The following PCED1B variants were observed in gnomAD, a reference collection of about 807,000 sequenced individuals.
PCED1B encodes the protein PC-esterase domain-containing protein 1B.
For synonymous variants in PCED1B, 251 were observed against 246.1 expected, an observed-to-expected ratio of 1.02 and a Z score of -0.19; for missense variants, 573 against 573.9, an observed-to-expected ratio of 1.00 and a Z score of 0.02.
intron 2 of PCED1B, chr12:47,136,062 A>G (rs1940353074): frequency 6.8e-6 from 1 of 148,130 alleles, no homozygotes; most frequent in Non-Finnish European, 1.5e-5. Flanking sequence ...TACTTTCACC[A>G]GTACTCACCA....
intron 1 of PCED1B, among the ~76,000 whole-genome samples, chr12:47,100,169 G>A (rs771682703): frequency 2.3e-4 from 35 of 152,228 alleles, no homozygotes; most frequent in Non-Finnish European, 4.4e-4. Flanking sequence ...TGTGATTACC[G>A]TTTTATTTCC....
intron 3 of PCED1B, among the ~76,000 whole-genome samples, chr12:47,230,498 C>T (rs1466205791): frequency 2.6e-5 from 4 of 152,058 alleles, no homozygotes; most frequent in Non-Finnish European, 4.4e-5. Context: ...GGCTGGAGTG[C>T]AGTGGTGCGA....
At chr12:47,195,757 C>T (rs1243612762) in intron 2 of PCED1B, among the ~76,000 whole-genome samples, 4 of 152,140 alleles carry the variant, frequency 2.6e-5, no homozygotes, top group African/African-American at 9.7e-5. Flanking sequence ...TTGTCTGTTC[C>T]CACTTTTTTC....
chr12:47,080,813 CTCTCTCTCCT>C (rs1291121885), intron 1 of PCED1B, among the ~76,000 whole-genome samples: 1 of 152,104 alleles, frequency 6.6e-6, no homozygotes, highest in Non-Finnish European at 1.5e-5. Context: ...CTCTCTCTCC[CTCTCTCTCCT>C]TTCTCTTTCG....
chr12:47,121,464 T>C (rs1939676141), intron 2 of PCED1B, among the ~76,000 whole-genome samples: 1 of 152,264 alleles, frequency 6.6e-6, no homozygotes, highest in African/African-American at 2.4e-5. Flanking sequence ...TTTTAATTAA[T>C]TTAAAATGTT....
intron 3 of PCED1B, among the ~76,000 whole-genome samples, chr12:47,220,225 G>A (rs531980485): frequency 8.8e-4 from 134 of 152,208 alleles, no homozygotes; most frequent in African/African-American, 3.1e-3. Flanking sequence ...AAGCTGGAGT[G>A]CAGTGGCGCG....
chr12:47,197,616 T>A (rs966823970), intron 2 of PCED1B, among the ~76,000 whole-genome samples: 9 of 148,802 alleles, frequency 6.0e-5, no homozygotes, highest in South Asian at 2.1e-4. Flanking sequence ...CTCAAAAAAA[T>A]AAATAAATAA....
chr12:47,208,506 C>G (rs1478304410), intron 2 of PCED1B: 1 of 152,152 alleles, frequency 6.6e-6, no homozygotes, highest in South Asian at 2.1e-4. Flanking sequence ...CAGGTTCAAG[C>G]AGTCCTGCCT....
chr12:47,102,920 T>C (rs1048893673), intron 1 of PCED1B, among the ~76,000 whole-genome samples: 1 of 152,148 alleles, frequency 6.6e-6, no homozygotes, highest in Non-Finnish European at 1.5e-5. Context: ...GTTGCTATGG[T>C]AGAGAGAAAT....
chr12:47,127,741 T>G (rs1469921532), intron 2 of PCED1B, among the ~76,000 whole-genome samples: 2 of 152,198 alleles, frequency 1.3e-5, no homozygotes, highest in Non-Finnish European at 2.9e-5. Flanking sequence ...TAACATTTAT[T>G]TAGATATGTT....
In PCED1B at chr12:47,105,588, A is replaced by T. The variant is rs185623516; in HGVS notation, c.-526+1393A>T. Among the ~76,000 whole-genome samples, 60 of 152,266 alleles carry T rather than the reference A, an allele frequency of 3.9e-4. 1 individual carries two copies. In the East Asian group the frequency reaches 0.011, roughly 28 times the overall value. ...ACCTATGAAAAGGAAAATAAAATGC[A>T]TGAGGGTGGCTATATGATTATGTGC... On this transcript the variant is annotated intron_variant, in intron 2 of 3. Coordinates refer to ENST00000546455, the MANE Select transcript of PCED1B (RefSeq NM_138371.3).
rs182612560 is a variant in PCED1B at position 47,083,441 on chromosome 12, G to A, written c.-609+3716G>A. On this transcript the variant is annotated intron_variant, in intron 1 of 3. Transcript: ENST00000546455. ...TCCTGTGGAGTTTCATCACTCTGGCGGGCAGCACTCTTAATAGGATTTTTA... is the reference window on the plus strand; with the variant it reads ...TCCTGTGGAGTTTCATCACTCTGGCAGGCAGCACTCTTAATAGGATTTTTA... Among the ~76,000 whole-genome samples the A allele has an allele frequency of 2.3e-3, 353 of 152,036 alleles. 3 individuals carry two copies. The highest frequency in any genetic ancestry group is 8.2e-3 in the African/African-American group (340 of 41,428).
chr12:47,152,069 G>T (rs941502138), intron 2 of PCED1B, among the ~76,000 whole-genome samples: 1 of 152,126 alleles, frequency 6.6e-6, no homozygotes, highest in African/African-American at 2.4e-5. Flanking sequence ...GCAGATAGAT[G>T]ATAGAAATAG....
intron 1 of PCED1B, among the ~76,000 whole-genome samples, chr12:47,099,085 G>A (rs1366929548): frequency 6.6e-6 from 1 of 152,184 alleles, no homozygotes; most frequent in Non-Finnish European, 1.5e-5. Context: ...TGCGAACCAG[G>A]TGCTTCAGTT....
chr12:47,119,281 A>C (rs187426220), intron 2 of PCED1B, among the ~76,000 whole-genome samples: 1 of 152,242 alleles, frequency 6.6e-6, no homozygotes, highest in Non-Finnish European at 1.5e-5. Context: ...CTAAAACTAC[A>C]AAATTCCTAG....
chr12:47,109,753 C>G (rs1269820051), intron 2 of PCED1B, among the ~76,000 whole-genome samples: 1 of 152,090 alleles, frequency 6.6e-6, no homozygotes, highest in Non-Finnish European at 1.5e-5. Context: ...ACCTGAAAAA[C>G]TTTTTTAAAA....
chr12:47,148,465 A>G (rs1038623266), intron 2 of PCED1B, among the ~76,000 whole-genome samples: 1 of 152,170 alleles, frequency 6.6e-6, no homozygotes, highest in Non-Finnish European at 1.5e-5. Context: ...GGCTAGCTAT[A>G]GGGCAGGAAA....
intron 1 of PCED1B, among the ~76,000 whole-genome samples, chr12:47,088,588 T>TA (rs1938100459): frequency 6.6e-6 from 1 of 152,056 alleles, no homozygotes. Flanking sequence ...GCAAAATAAA[T>TA]AAAAAATAAT....
rs1189237586 is a variant in PCED1B at position 47,235,025 on chromosome 12, T to G, written c.-39T>G. On this transcript the variant is annotated 5_prime_UTR_variant, in exon 4 of 4. Coordinates refer to ENST00000546455, the MANE Select transcript of PCED1B (RefSeq NM_138371.3). ...GTCCTAGCCATCCGCAGAGCCATCC[T>G]GTGCAAAGGAAGGAGCTAGGCTGTG... The G allele has an allele frequency of 1.3e-6, 2 of 1,496,940 alleles. No individual in the cohort carries two copies. Among genetic ancestry groups the G allele is most frequent in the South Asian group, 1.4e-5 (1 of 72,428 alleles). 92.7% of individuals were successfully genotyped at this position (1,496,940 alleles called of 1,614,324 possible).
Sources: gnomAD v4.1 joint callset for allele counts (sites outside exome capture counted in the v4.1 genomes callset) on GRCh38, gnomAD v4.1.1 for gene constraint, MANE v1.5 for transcripts, NCBI Gene and HGNC (gene_info 2026-07-23, HGNC 2026-07-21) for gene names.